Variants in SYN3 observed in about 807,000 individuals in gnomAD.
SYN3 encodes synapsin III.
SYN3 carries 35 observed loss-of-function variants against 65.8 expected under a neutral mutation model. That is an observed-to-expected ratio of 0.53 (90% CI 0.41 to 0.70). SYN3 has a LOEUF of 0.70. Among genes scored for constraint, SYN3 ranks in the 30% least tolerant of loss-of-function variants. The pLI is 0.00. For missense variants in SYN3, 680 were observed against 749.0 expected, an observed-to-expected ratio of 0.91 and a Z score of 1.08; for synonymous variants, 270 against 292.9, an observed-to-expected ratio of 0.92 and a Z score of 0.80.
At chr22:32,662,611 T>C (rs937722850) in intron 6 of SYN3, among the ~76,000 whole-genome samples, 23 of 152,254 alleles carry the variant, frequency 1.5e-4, no homozygotes, top group South Asian at 6.2e-4. Flanking sequence ...ATCTGTAAAA[T>C]GGGGGTAATA....
intron 6 of SYN3, among the ~76,000 whole-genome samples, chr22:32,651,688 C>A (rs1053938527): frequency 6.6e-6 from 1 of 152,244 alleles, no homozygotes; most frequent in Admixed American, 6.5e-5. Context: ...CATCTCAGTT[C>A]GCCATGTTCC....
At chr22:32,553,410 G>A (rs2058445311) in intron 7 of SYN3, among the ~76,000 whole-genome samples, 1 of 152,040 alleles carries the variant, frequency 6.6e-6, no homozygotes, top group African/African-American at 2.4e-5. Flanking sequence ...AGGAAATCTG[G>A]AAAAAAAATA....
intron 6 of SYN3, among the ~76,000 whole-genome samples, chr22:32,846,001 C>A (rs1436966840): frequency 1.3e-5 from 2 of 152,158 alleles, no homozygotes; most frequent in African/African-American, 4.8e-5. Flanking sequence ...CTGGGGTTGG[C>A]CAGCAATTCT....
intron 7 of SYN3, among the ~76,000 whole-genome samples, chr22:32,578,525 C>G (rs946067251): frequency 3.2e-4 from 48 of 152,194 alleles, no homozygotes; most frequent in African/African-American, 1.1e-3. Context: ...GTTGGGATTA[C>G]AGGCATGAGC....
Position 32,845,670 on chromosome 22 carries a change from A to G in SYN3, c.711+19245T>C, listed in dbSNP as rs559490464. 1.4e-4 allele frequency among the ~76,000 whole-genome samples: 22 copies of G among 152,236 alleles called. No homozygotes were observed. The South Asian group carries it at 4.4e-3, about 30-fold the overall frequency. ...GCACTGGGTAGACAGTGTAGGGGCC[A>G]TACTCCAGCATGAATGGGAATAAAG... On this transcript the variant is annotated intron_variant, in intron 6 of 13. Coordinates refer to ENST00000358763, the MANE Select transcript of SYN3 (RefSeq NM_003490.4).
intron 6 of SYN3, among the ~76,000 whole-genome samples, chr22:32,816,650 T>C: frequency 6.6e-6 from 1 of 152,210 alleles, no homozygotes; most frequent in East Asian, 1.9e-4. Flanking sequence ...CACTCCCTTT[T>C]GCCCTATCAT....
At chr22:32,725,168 C>T (rs1322534412) in intron 6 of SYN3, among the ~76,000 whole-genome samples, 1 of 152,116 alleles carries the variant, frequency 6.6e-6, no homozygotes, top group African/African-American at 2.4e-5. Flanking sequence ...ACACAACACA[C>T]CTCTTCTGTG....
chr22:32,650,703 C>T (rs1261011181), intron 6 of SYN3, among the ~76,000 whole-genome samples: 1 of 152,160 alleles, frequency 6.6e-6, no homozygotes, highest in Admixed American at 6.5e-5. Flanking sequence ...CACAGCTGGT[C>T]AGAGGCAGGG....
Position 32,541,604 on chromosome 22 carries a change from A to G in SYN3, c.884T>C (p.Ile295Thr), listed in dbSNP as rs1160948567. 1 of 1,613,890 alleles carries G rather than the reference A, an allele frequency of 6.2e-7. No homozygotes were observed. Among genetic ancestry groups the G allele is most frequent in the Non-Finnish European group, 8.5e-7 (1 of 1,179,970 alleles). ...AFIDSKYDIR[I>T]QKIGSNYKAY... ...CTTGTAGTTGGATCCAATTTTCTGG[A>G]TGCGGATGTCGTACTTGGAGTCGAT... is the stretch of plus-strand genomic sequence containing the variant. The change falls in exon 8 of 14, where the codon ATC (isoleucine) becomes ACC (threonine). Residue 295 changes from isoleucine (I) to threonine (T), a missense_variant. Coordinates refer to ENST00000358763, the MANE Select transcript of SYN3 (RefSeq NM_003490.4).
intron 6 of SYN3, chr22:32,859,589 C>CA (rs886057435): frequency 2.3e-4 from 134 of 594,730 alleles, no homozygotes; most frequent in Non-Finnish European, 5.7e-5. Context: ...GTTTTGACAT[C>CA]ATTCATTTCC....
At chr22:32,698,859 T>C (rs1269319364) in intron 6 of SYN3, among the ~76,000 whole-genome samples, 1 of 152,198 alleles carries the variant, frequency 6.6e-6, no homozygotes, top group Non-Finnish European at 1.5e-5. Context: ...GGGACATTAA[T>C]TTCTGCAAGT....
intron 6 of SYN3, among the ~76,000 whole-genome samples, chr22:32,688,422 G>C (rs1432512889): frequency 6.6e-6 from 1 of 152,148 alleles, no homozygotes; most frequent in Non-Finnish European, 1.5e-5. Context: ...AGGTGGGAAT[G>C]TTACTGGGTT....
intron 4 of SYN3, among the ~76,000 whole-genome samples, chr22:32,895,173 T>A (rs1402566878): frequency 6.6e-6 from 1 of 152,150 alleles, no homozygotes; most frequent in South Asian, 2.1e-4. Flanking sequence ...CATATGGAAA[T>A]GTTAGATAGT....
chr22:32,616,389 G>A (rs181600305), intron 6 of SYN3, among the ~76,000 whole-genome samples: 1 of 152,274 alleles, frequency 6.6e-6, no homozygotes, highest in Non-Finnish European at 1.5e-5. Flanking sequence ...TCTGGCTGAG[G>A]GGCCCCTTTG....
intron 6 of SYN3, among the ~76,000 whole-genome samples, chr22:32,842,354 G>C (rs1265509559): frequency 6.6e-6 from 1 of 152,154 alleles, no homozygotes; most frequent in African/African-American, 2.4e-5. Context: ...TCAGGCCTCT[G>C]CTTTTCACCC....
At chr22:32,644,541 A>G (rs1181877253) in intron 6 of SYN3, among the ~76,000 whole-genome samples, 1 of 152,180 alleles carries the variant, frequency 6.6e-6, no homozygotes, top group Non-Finnish European at 1.5e-5. Flanking sequence ...TCCAGCCCAG[A>G]CAAGCAGGAA....
chr22:32,788,455 C>T (rs543588705), intron 6 of SYN3, among the ~76,000 whole-genome samples: 43 of 152,088 alleles, frequency 2.8e-4, no homozygotes, highest in Non-Finnish European at 2.9e-5. Flanking sequence ...GCAGGAGAAT[C>T]GCTTGAACTC....
intron 6 of SYN3, among the ~76,000 whole-genome samples, chr22:32,755,881 C>A (rs2145683833): frequency 6.6e-6 from 1 of 152,170 alleles, no homozygotes; most frequent in Admixed American, 6.5e-5. Context: ...CCATGGAATA[C>A]TATACAGCCA....
intron 6 of SYN3, among the ~76,000 whole-genome samples, chr22:32,708,438 G>A (rs1601951940): frequency 6.6e-6 from 1 of 152,210 alleles, no homozygotes; most frequent in African/African-American, 2.4e-5. Context: ...CGTGCAGGAG[G>A]TGTACTTCTC....
Sources: allele counts gnomAD v4.1 joint callset (sites outside exome capture counted in the v4.1 genomes callset), GRCh38; gene constraint gnomAD v4.1.1; transcripts MANE v1.5; gene names NCBI Gene and HGNC (gene_info 2026-07-23, HGNC 2026-07-21).